RXRA: variants seen among roughly 807,000 people sequenced by gnomAD.
RXRA encodes retinoic acid receptor RXR-alpha.
Under a neutral mutation model 44.5 loss-of-function variants are expected in RXRA, and 5 were observed. The ratio of observed to expected loss-of-function variants is 0.11; its 90% CI spans 0.06 to 0.24. RXRA has a LOEUF of 0.24. Ranked by LOEUF, RXRA falls within the 10% of genes least tolerant of loss-of-function variation. The pLI, the probability that RXRA is intolerant of heterozygous loss-of-function variation, is 1.00. For missense variants in RXRA, 412 were observed against 646.5 expected (o/e 0.64, Z 3.93); for synonymous variants, 291 against 271.4 (o/e 1.07, Z -0.71).
chr9:134,425,425 C>T (rs1588305833), intron 6 of RXRA: 1 of 985,098 alleles, frequency 1.0e-6, no homozygotes, highest in Non-Finnish European at 1.2e-6. Flanking sequence ...TTTCTCCGTC[C>T]AACCTCCTTC....
rs1331341473 is a variant in RXRA at position 134,408,235 on chromosome 9, C to T, written c.366C>T (p.His122=). The change falls in exon 3 of 10, where the codon CAC becomes CAT. Residue 122 remains histidine (H), a synonymous_variant. Coordinates refer to ENST00000481739, the MANE Select transcript of RXRA (RefSeq NM_002957.6). The part of the protein sequence containing the change: ...GLNGVLKVPA[H]PSGNMASFTK... Reference sequence around the variant, plus strand: ...ATGGCGTCCTCAAGGTCCCCGCCCACCCCTCAGGAAACATGGCTTCCTTCA... The same window carrying T: ...ATGGCGTCCTCAAGGTCCCCGCCCATCCCTCAGGAAACATGGCTTCCTTCA... 6 of 1,612,104 alleles carry T rather than the reference C, an allele frequency of 3.7e-6. No homozygotes were observed. The highest frequency in any genetic ancestry group is 1.7e-5 in the Admixed American group (1 of 59,796).
Position 134,382,131 on chromosome 9 carries a change from G to GT in RXRA, c.29-19501_29-19500insT, listed in dbSNP as rs530591046. On this transcript the variant is annotated intron_variant, in intron 1 of 9. Coordinates refer to ENST00000481739, the MANE Select transcript of RXRA (RefSeq NM_002957.6). ...CACATGCCCTGCCAGGATGTGGGGG[G>GT]GCGCAGGGCAGTGGGCTGAGCCAAG... Among the ~76,000 whole-genome samples the GT allele has an allele frequency of 2.1e-4, 32 of 152,084 alleles. No homozygotes were observed. The East Asian group carries it at 2.5e-3, about 12-fold the overall frequency.
intron 1 of RXRA, among the ~76,000 whole-genome samples, chr9:134,360,395 G>A (rs927077231): frequency 3.9e-5 from 6 of 152,166 alleles, no homozygotes; most frequent in African/African-American, 1.4e-4. Flanking sequence ...GCTTGCCGAC[G>A]CCTGGAGTTC....
At chr9:134,430,039 C>T (rs1174747442) in intron 7 of RXRA, among the ~76,000 whole-genome samples, 1 of 152,220 alleles carries the variant, frequency 6.6e-6, no homozygotes, top group Non-Finnish European at 1.5e-5. Context: ...GCGCCCGCCA[C>T]CACGCCCGGC....
rs945410275 is a variant in RXRA at position 134,437,765 on chromosome 9, A to G, written c.*1151A>G. 1 of 152,300 alleles carries G rather than the reference A, an allele frequency of 6.6e-6. No individual in the cohort carries two copies. The highest frequency in any genetic ancestry group is 1.5e-5 in the Non-Finnish European group (1 of 68,140). The allele number at this position is 152,300 out of a possible 1,614,324, so 9.4% of individuals were successfully genotyped here. ...CTCTCTGGCTGCCAGTTGTGTCTAA[A>G]AGACTCTTGGAATCTGAGAACCCGG... is the stretch of plus-strand genomic sequence containing the variant. On this transcript the variant is annotated 3_prime_UTR_variant, in exon 10 of 10. Coordinates refer to ENST00000481739, the MANE Select transcript of RXRA (RefSeq NM_002957.6).
chr9:134,431,986 C>G lies in RXRA; in HGVS notation c.1125C>G (p.Leu375=), dbSNP rs773547211. ...TGGGCTGCCTGCGCGCCATCGTCCT[C>G]TTTAACCCTGGTATGGCCTTCCTGC... ...TELGCLRAIV[L]FNPDSKGLSN... is the part of the protein sequence containing the mutation. The change falls in exon 8 of 10, where the codon CTC becomes CTG. Residue 375 remains leucine, a synonymous_variant. Transcript: ENST00000481739. 1 of 1,613,594 alleles carries G rather than the reference C, an allele frequency of 6.2e-7. No individual in the cohort carries two copies. Among genetic ancestry groups the G allele is most frequent in the African/African-American group, 1.3e-5 (1 of 75,060 alleles).
chr9:134,422,735 C>T (rs1165242189), intron 6 of RXRA: 40 of 985,320 alleles, frequency 4.1e-5, no homozygotes, highest in Non-Finnish European at 4.7e-5. Context: ...GGGGGAAGGG[C>T]CTGGGGCCTC....
At chr9:134,423,824 T>C (rs745680577) in intron 6 of RXRA, 25 of 985,340 alleles carry the variant, frequency 2.5e-5, no homozygotes, top group Non-Finnish European at 2.9e-5. Context: ...CTGACCCCAG[T>C]GGTCCTTGGA....
chr9:134,384,865 C>T (rs1830696154), intron 1 of RXRA, among the ~76,000 whole-genome samples: 1 of 152,190 alleles, frequency 6.6e-6, no homozygotes, highest in African/African-American at 2.4e-5. Context: ...GGCCTCCAGT[C>T]CTGAGCACCG....
intron 7 of RXRA, among the ~76,000 whole-genome samples, chr9:134,430,080 G>T (rs1314948565): frequency 1.3e-5 from 2 of 152,164 alleles, no homozygotes; most frequent in Non-Finnish European, 2.9e-5. Flanking sequence ...TAGAGACGGG[G>T]TTTCACCGTG....
At chr9:134,362,983 C>T (rs1564270283) in intron 1 of RXRA, among the ~76,000 whole-genome samples, 1 of 152,262 alleles carries the variant, frequency 6.6e-6, no homozygotes, top group Non-Finnish European at 1.5e-5. Context: ...CTGGGCAAAT[C>T]CTTGCTCTTG....
At chr9:134,341,880 G>A (rs1402507603) in intron 1 of RXRA, among the ~76,000 whole-genome samples, 4 of 152,120 alleles carry the variant, frequency 2.6e-5, no homozygotes, top group African/African-American at 7.2e-5. Context: ...GACTGGCAGC[G>A]TCACTGCCTG....
chr9:134,363,047 C>G (rs1830371535), intron 1 of RXRA, among the ~76,000 whole-genome samples: 1 of 152,226 alleles, frequency 6.6e-6, no homozygotes, highest in Non-Finnish European at 1.5e-5. Flanking sequence ...TCTCTTGCCC[C>G]TTCTCCCAGA....
At chr9:134,348,365 GC>G (rs1484183342) in intron 1 of RXRA, among the ~76,000 whole-genome samples, 3 of 152,208 alleles carry the variant, frequency 2.0e-5, no homozygotes, top group African/African-American at 7.2e-5. Flanking sequence ...GGTGCAGCGG[GC>G]ATCGTGGTGC....
intron 6 of RXRA, chr9:134,425,860 C>T (rs1429415991): frequency 1.9e-5 from 19 of 984,970 alleles, no homozygotes; most frequent in Non-Finnish European, 2.3e-5. Flanking sequence ...TTTAACTCTC[C>T]AGACCACCAG....
intron 1 of RXRA, among the ~76,000 whole-genome samples, chr9:134,331,575 T>C (rs1275982435): frequency 1.3e-5 from 2 of 152,202 alleles, no homozygotes; most frequent in Admixed American, 6.5e-5. Flanking sequence ...CCTCCTTTTT[T>C]TCTAAATCTC....
At chr9:134,362,490 C>T (rs903877823) in intron 1 of RXRA, among the ~76,000 whole-genome samples, 5 of 152,352 alleles carry the variant, frequency 3.3e-5, no homozygotes, top group African/African-American at 4.8e-5. Flanking sequence ...CCCGCCAGAC[C>T]GTGAGCTTCA....
intron 7 of RXRA, among the ~76,000 whole-genome samples, chr9:134,431,650 GC>G (rs1318827484): frequency 6.6e-6 from 1 of 152,192 alleles, no homozygotes; most frequent in Non-Finnish European, 1.5e-5. Context: ...ATAAAGCCCC[GC>G]AGGCAGACCC....
In RXRA at chr9:134,349,460, G is replaced by A. The variant is rs1353697675; in HGVS notation, c.28+22801G>A. Among the ~76,000 whole-genome samples the A allele has an allele frequency of 6.6e-6, 1 of 152,194 alleles. No homozygotes were observed. Among genetic ancestry groups the A allele is most frequent in the Non-Finnish European group, 1.5e-5 (1 of 68,030 alleles). Reference sequence around the variant, plus strand: ...GGGAAGAGAAGAGGCTGGCTCAGGTGGGCTGGGGTCTTCAGCTGCCACACC... The same window carrying A: ...GGGAAGAGAAGAGGCTGGCTCAGGTAGGCTGGGGTCTTCAGCTGCCACACC... On this transcript the variant is annotated intron_variant, in intron 1 of 9. Coordinates refer to ENST00000481739, the MANE Select transcript of RXRA (RefSeq NM_002957.6). The surrounding 1 kb of genome is among the most constrained non-coding windows in gnomAD (Gnocchi z 4.3).
Sources: gnomAD v4.1 joint callset for allele counts (sites outside exome capture counted in the v4.1 genomes callset) on GRCh38, gnomAD v4.1.1 for gene constraint, Gnocchi (gnomAD v3.1) non-coding constraint, MANE v1.5 for transcripts, NCBI Gene and HGNC (gene_info 2026-07-23, HGNC 2026-07-21) for gene names.